PPP1R3F: variants seen among roughly 807,000 people sequenced by gnomAD.
PPP1R3F encodes protein phosphatase 1, regulatory (inhibitor) subunit 3F.
In PPP1R3F, 29 loss-of-function variants were observed where a neutral mutation model predicts 24.2. The observed-to-expected ratio is 1.20, with a 90% CI of 0.89 to 1.63. The LOEUF (loss-of-function observed/expected upper bound fraction) is 1.63, where lower values mean the gene tolerates loss of function less well. PPP1R3F is among the 40% of genes most tolerant of loss of function. PPP1R3F has a pLI of 0.00. For missense variants in PPP1R3F, 823 were observed against 729.3 expected, an observed-to-expected ratio of 1.13 and a Z score of -1.48; for synonymous variants, 363 against 340.1, an observed-to-expected ratio of 1.07 and a Z score of -0.74.
chrX:49,286,623 G>A lies in PPP1R3F; in HGVS notation c.1933G>A (p.Gly645Arg). The A allele has an allele frequency of 1.7e-6, 2 of 1,211,217 alleles. No individual in the cohort carries two copies. The highest frequency in any genetic ancestry group is 3.0e-5 in the East Asian group (1 of 33,821). ...EGQFIGDPEK[G>R]MGKDTSSLHM... The stretch of plus-strand genomic sequence containing the variant: ...TCAGTTCATTGGGGATCCTGAGAAA[G>A]GGATGGGCAAGGACACCAGCTCTTT... Residue 645 changes from glycine to arginine, a missense_variant, in exon 4 of 4, where the codon GGG becomes AGG. Transcript: ENST00000055335.
chrX:49,287,014 T>C lies in PPP1R3F; in HGVS notation c.2324T>C (p.Val775Ala), dbSNP rs2066291163. The C allele has an allele frequency of 8.3e-7, 1 of 1,211,967 alleles. No individual in the cohort carries two copies. Among genetic ancestry groups the C allele is most frequent in the Admixed American group, 2.2e-5 (1 of 46,123 alleles). Residue 775 changes from valine (V) to alanine (A), a missense_variant, in exon 4 of 4, where the codon GTG becomes GCG. Coordinates refer to ENST00000055335, the MANE Select transcript of PPP1R3F (RefSeq NM_033215.5). ...CTGGGGGTCCTGGCCGGGCTAGTGG[T>C]GGTCCCTGTGGCTCTGAACAGCGGT... is the stretch of plus-strand genomic sequence containing the variant. The part of the protein sequence containing the change: ...QTLGVLAGLV[V>A]VPVALNSGVS...
intron 1 of PPP1R3F, among the ~76,000 whole-genome samples, chrX:49,278,881 G>A (rs1557120322): frequency 8.9e-6 from 1 of 112,493 alleles, no homozygotes; most frequent in African/African-American, 3.2e-5. Context: ...CTTCTAGAAA[G>A]GATGGAGATG....
intron 3 of PPP1R3F, among the ~76,000 whole-genome samples, chrX:49,300,477 GTTTTTTTTTTTTT>G (rs35140303): frequency 1.8e-4 from 13 of 70,382 alleles, no homozygotes; most frequent in Middle Eastern, 6.5e-3. Context: ...TATTGCTGCT[GTTTTTTTTTTTTT>G]TTTTTTTTTT....
At chrX:49,276,243 C>T (rs2066212138) in intron 1 of PPP1R3F, among the ~76,000 whole-genome samples, 1 of 112,630 alleles carries the variant, frequency 8.9e-6, no homozygotes, top group Non-Finnish European at 1.9e-5. Flanking sequence ...TTCAGAGCTT[C>T]AGTTTCCCTC....
chrX:49,290,081 AC>A (rs1186657868), downstream of PPP1R3F, among the ~76,000 whole-genome samples: 2 of 106,254 alleles, frequency 1.9e-5, no homozygotes, highest in Non-Finnish European at 3.8e-5. Context: ...AAAAAACAAA[AC>A]AACCCCCCCC....
Position 49,286,460 on chromosome X carries a change from A to T in PPP1R3F, c.1770A>T (p.Pro590=). Residue 590 remains proline (P), a synonymous_variant, in exon 4 of 4, where the codon CCA becomes CCT. Coordinates refer to ENST00000055335, the MANE Select transcript of PPP1R3F (RefSeq NM_033215.5). ...EEGLSVTPSS[P]EGDSPKESPP... ...GGCTCTCTGTCACACCCTCCAGCCC[A>T]GAAGGGGACAGCCCCAAGGAATCGC... 1 of 1,200,545 alleles carries T rather than the reference A, an allele frequency of 8.3e-7. No homozygotes were observed. The highest frequency in any genetic ancestry group is 1.1e-6 in the Non-Finnish European group (1 of 888,314).
intron 3 of PPP1R3F, among the ~76,000 whole-genome samples, chrX:49,297,747 A>C (rs1385220045): frequency 9.2e-6 from 1 of 108,840 alleles, no homozygotes; most frequent in African/African-American, 3.4e-5. Context: ...ACCATTATGT[A>C]ATGCCCTTCT....
At chrX:49,275,373 A>G (rs1201055212) in intron 1 of PPP1R3F, 5 of 110,999 alleles carry the variant, frequency 4.5e-5, no homozygotes, top group Admixed American at 1.9e-4. Flanking sequence ...CAAACTCGGC[A>G]TCTCCACTTG....
chrX:49,292,111 G>A (rs1007160687), downstream of PPP1R3F, among the ~76,000 whole-genome samples: 4 of 111,494 alleles, frequency 3.6e-5, no homozygotes, highest in Admixed American at 2.9e-4. Context: ...CAGAGAAGAC[G>A]GGAACAGTCT....
At position 49,286,906 on chromosome X, in the gene PPP1R3F, C is replaced by T; in HGVS notation, c.2216C>T (p.Pro739Leu). ...GATGCAGGCCCAAGCCTTGAACCCCCAAAGAAGTCTCCCACCCTAGCAGTC... is the reference window on the plus strand; with the variant it reads ...GATGCAGGCCCAAGCCTTGAACCCCTAAAGAAGTCTCCCACCCTAGCAGTC... ...EKDAGPSLEP[P>L]KKSPTLAVPA... is the part of the protein sequence containing the mutation. Residue 739 changes from proline (P) to leucine (L), a missense_variant, in exon 4 of 4, where the codon CCA becomes CTA. Coordinates refer to ENST00000055335, the MANE Select transcript of PPP1R3F (RefSeq NM_033215.5). 8.4e-7 allele frequency: 1 copy of T among 1,197,269 alleles called. No homozygotes were observed. The highest frequency in any genetic ancestry group is 3.0e-5 in the East Asian group (1 of 33,748).
In PPP1R3F at chrX:49,286,285, G is replaced by A. The variant is rs781862921; in HGVS notation, c.1595G>A (p.Arg532His). The A allele has an allele frequency of 5.0e-6, 6 of 1,209,863 alleles. No homozygotes were observed. Among genetic ancestry groups the A allele is most frequent in the South Asian group, 3.5e-5 (2 of 56,681 alleles). Residue 532 changes from arginine (R) to histidine (H), a missense_variant, in exon 4 of 4, where the codon CGC becomes CAC. Transcript: ENST00000055335. ...CATCCCCTGGGCATACTGACGGACC[G>A]CGACCTGATCTTGAAGTGGCCTGGC... is the stretch of plus-strand genomic sequence containing the variant. ...PSHPLGILTD[R>H]DLILKWPGPE... is the part of the protein sequence containing the mutation.
chrX:49,286,868 C>T lies in PPP1R3F; in HGVS notation c.2178C>T (p.Ser726=). The T allele has an allele frequency of 8.4e-7, 1 of 1,191,863 alleles. No homozygotes were observed. Among genetic ancestry groups the T allele is most frequent in the Non-Finnish European group, 1.1e-6 (1 of 885,004 alleles). The change falls in exon 4 of 4, where the codon TCC becomes TCT. Residue 726 remains serine, a synonymous_variant. Coordinates refer to ENST00000055335, the MANE Select transcript of PPP1R3F (RefSeq NM_033215.5). The part of the protein sequence containing the change: ...LSSVARPHVS[S]QDEKDAGPSL... ...GTGTAGCCAGGCCTCATGTGAGCTC[C>T]CAGGATGAAAAGGATGCAGGCCCAA...
intron 1 of PPP1R3F, chrX:49,273,576 G>T (rs782160211): frequency 3.6e-5 from 4 of 112,293 alleles, no homozygotes; most frequent in Non-Finnish European, 7.5e-5. Context: ...TTTGTAGGTC[G>T]GTGGCTTTCT....
Position 49,286,749 on chromosome X carries a change from C to G in PPP1R3F, c.2059C>G (p.Pro687Ala), listed in dbSNP as rs1557121675. Residue 687 changes from proline (P) to alanine (A), a missense_variant, in exon 4 of 4, where the codon CCC becomes GCC. Pro to Ala is a conservative substitution (Grantham distance 27). Coordinates refer to ENST00000055335, the MANE Select transcript of PPP1R3F (RefSeq NM_033215.5). ...CAGTGAGTGGGCAGGCAGCTTGGAT[C>G]CCATATCTGGCAAGGAGCCAGCCTC... ...VTSEWAGSLD[P>A]ISGKEPASPV... 8.3e-7 allele frequency: 1 copy of G among 1,202,561 alleles called. No homozygotes were observed. Among genetic ancestry groups the G allele is most frequent in the African/African-American group, 1.7e-5 (1 of 57,199 alleles).
chrX:49,270,738 C>T lies in PPP1R3F; in HGVS notation c.869C>T (p.Ala290Val), dbSNP rs1436136669. ...ACAGTCCTGCTCCGGATCGCACCCG[C>T]TCCCACACCCACTGATGCCGAAGGG... ...NYTVLLRIAP[A>V]PTPTDAEGLP... Residue 290 changes from alanine to valine, a missense_variant, in exon 1 of 4, where the codon GCT (alanine) becomes GTT (valine). Physicochemically the swap from Ala to Val is moderately conservative, Grantham distance 64. Coordinates refer to ENST00000055335, the MANE Select transcript of PPP1R3F (RefSeq NM_033215.5). 1 of 1,204,929 alleles carries T rather than the reference C, an allele frequency of 8.3e-7. No individual in the cohort carries two copies. The highest frequency in any genetic ancestry group is 1.1e-6 in the Non-Finnish European group (1 of 892,225).
Position 49,270,309 on chromosome X carries a change from C to A in PPP1R3F, c.440C>A (p.Ala147Glu). 9.0e-7 allele frequency: 1 copy of A among 1,107,668 alleles called. No homozygotes were observed. The highest frequency in any genetic ancestry group is 1.2e-6 in the Non-Finnish European group (1 of 851,870). The allele number at this position is 1,107,668 out of a possible 1,213,427, so 91.3% of individuals were successfully genotyped here. ...ELEALLPPPG[A>E]VPGGAGVWVP... ...GAGGCGCTGCTGCCGCCTCCCGGAG[C>A]GGTCCCCGGGGGTGCCGGGGTGTGG... Residue 147 changes from alanine to glutamate, a missense_variant, in exon 1 of 4, where the codon GCG (alanine) becomes GAG (glutamate). Ala to Glu is a moderately radical substitution (Grantham distance 107). Coordinates refer to ENST00000055335, the MANE Select transcript of PPP1R3F (RefSeq NM_033215.5).
Position 49,270,464 on chromosome X carries a change from G to A in PPP1R3F, c.595G>A (p.Val199Ile). Reference protein sequence around the residue: ...ASFCDHPARYVPRSPPWAGAG... With the variant: ...ASFCDHPARYIPRSPPWAGAG... ...CTTTTGCGACCACCCAGCGCGCTAC[G>A]TCCCGCGCAGCCCGCCGTGGGCAGG... The change falls in exon 1 of 4, where the codon GTC becomes ATC. Residue 199 changes from valine to isoleucine, a missense_variant. Physicochemically the swap from Val to Ile is conservative, Grantham distance 29. Transcript: ENST00000055335. 3 of 1,200,832 alleles carry A rather than the reference G, an allele frequency of 2.5e-6. No homozygotes were observed. The East Asian group carries it at 8.9e-5, about 36-fold the overall frequency.
At position 49,270,285 on chromosome X, in the gene PPP1R3F, A is replaced by G. The variant is rs2066165321; in HGVS notation, c.416A>G (p.Glu139Gly). ...ERLGRVMVELEALLPPPGAVP... is the reference protein window; with the variant it reads ...ERLGRVMVELGALLPPPGAVP... Reference sequence around the variant, plus strand: ...TTGGGGCGCGTCATGGTGGAGCTGGAGGCGCTGCTGCCGCCTCCCGGAGCG... The same window carrying G: ...TTGGGGCGCGTCATGGTGGAGCTGGGGGCGCTGCTGCCGCCTCCCGGAGCG... The change falls in exon 1 of 4, where the codon GAG becomes GGG. Residue 139 changes from glutamate to glycine, a missense_variant. Physicochemically the swap from Glu to Gly is moderately conservative, Grantham distance 98 (BLOSUM62 -2). Transcript: ENST00000055335. 4 of 1,102,310 alleles carry G rather than the reference A, an allele frequency of 3.6e-6. No individual in the cohort carries two copies. Among genetic ancestry groups the G allele is most frequent in the Admixed American group, 3.4e-5 (1 of 29,769 alleles). The allele number at this position is 1,102,310 out of a possible 1,213,427, so 90.8% of individuals were successfully genotyped here.
intron 2 of PPP1R3F, 97 bp from the exon 3 acceptor site, chrX:49,281,884 C>A: frequency 1.6e-6 from 1 of 632,803 alleles, no homozygotes; most frequent in South Asian, 2.6e-5. Flanking sequence ...GCTTCAGAGG[C>A]AAAACTGCCA....
Sources: gnomAD v4.1 joint callset for allele counts (sites outside exome capture counted in the v4.1 genomes callset) on GRCh38, gnomAD v4.1.1 for gene constraint, MANE v1.5 for transcripts, NCBI Gene and HGNC (gene_info 2026-07-23, HGNC 2026-07-21) for gene names.